The following PREX1 variants were observed in gnomAD, a reference collection of about 807,000 sequenced individuals.
PREX1 encodes phosphatidylinositol-3,4,5-trisphosphate dependent Rac exchange factor 1.
A neutral mutation model predicts 198.3 loss-of-function variants in PREX1; 41 were observed. The observed-to-expected ratio is 0.21, with a 90% CI of 0.16 to 0.27. PREX1 has a LOEUF of 0.27. PREX1 is among the 10% of genes least tolerant of loss of function. The probability of loss-of-function intolerance (pLI) is 1.00; values close to 1 mark genes in which losing one functional copy is unlikely to be tolerated. For synonymous variants in PREX1, 843 were observed against 887.2 expected (o/e 0.95, Z 0.89); for missense variants, 1,620 against 2,200.7 (o/e 0.74, Z 5.28).
intron 5 of PREX1, among the ~76,000 whole-genome samples, chr20:48,718,523 G>A (rs1473743522): frequency 1.3e-5 from 2 of 151,956 alleles, no homozygotes; most frequent in East Asian, 1.9e-4. Context: ...AAAGAAGGAC[G>A]GCAGAACCAA....
chr20:48,717,739 C>T (rs1256664701), intron 5 of PREX1, among the ~76,000 whole-genome samples: 7 of 152,144 alleles, frequency 4.6e-5, no homozygotes, highest in Non-Finnish European at 7.4e-5. Context: ...GGAAATAATG[C>T]TCGTGGGTTT....
intron 1 of PREX1, among the ~76,000 whole-genome samples, chr20:48,774,180 T>C (rs1036922219): frequency 1.3e-5 from 2 of 152,168 alleles, no homozygotes; most frequent in Admixed American, 6.5e-5. Context: ...GGCAGTCTGG[T>C]GAAGGAGACA....
chr20:48,723,742 G>C (rs1186766969), intron 5 of PREX1, among the ~76,000 whole-genome samples: 1 of 152,160 alleles, frequency 6.6e-6, no homozygotes, highest in East Asian at 1.9e-4. Context: ...TGTTCTCCTG[G>C]GAATCCAGAG....
intron 31 of PREX1, 57 bp from the exon 32 acceptor site, chr20:48,636,740 C>G: frequency 6.8e-7 from 1 of 1,465,414 alleles, no homozygotes; most frequent in Non-Finnish European, 9.2e-7. Flanking sequence ...CACCAGGAGG[C>G]CCACCCCCCA....
the PREX1 span, among the ~76,000 whole-genome samples, chr20:48,861,045 A>C: frequency 2.6e-5 from 4 of 152,104 alleles, no homozygotes; most frequent in Non-Finnish European, 5.9e-5. Flanking sequence ...CCAGAAAGAG[A>C]TCTCACTTTC....
Position 48,665,150 on chromosome 20 carries a change from G to A in PREX1, c.1738+1133C>T, listed in dbSNP as rs543528598. On this transcript the variant is annotated intron_variant, in intron 15 of 39. Transcript: ENST00000371941. ...CCCAGACGGCCTGAATTCTAATCCC[G>A]GCCCCAGACGGCCTGAATTATAATC... Among the ~76,000 whole-genome samples, 529 of 145,018 alleles carry A rather than the reference G, an allele frequency of 3.6e-3. 1 individual carries two copies. Among genetic ancestry groups the A allele is most frequent in the Non-Finnish European group, 5.3e-3 (354 of 66,222 alleles).
chr20:48,688,672 T>C lies in PREX1; in HGVS notation c.1319A>G (p.Lys440Arg), dbSNP rs751993738. 6.2e-6 allele frequency: 10 copies of C among 1,614,124 alleles called. No individual in the cohort carries two copies. The Admixed American group carries it at 1.0e-4, about 16-fold the overall frequency. The stretch of plus-strand genomic sequence containing the variant: ...GGCTACTCACTTGCCAAGAAAGCAC[T>C]TGGGGACAGTGCTCAGCTTTCTCCG... Reference protein sequence around the residue: ...DRRRKLSTVPKCFLGNEFVAW... With the variant: ...DRRRKLSTVPRCFLGNEFVAW... The change falls in exon 10 of 40, where the codon AAG (lysine) becomes AGG (arginine). Residue 440 changes from lysine (K) to arginine (R), a missense_variant. Around this residue, in one of 7 missense-constraint regions of PREX1, gnomAD observed 488 missense variants for 802.5 expected, o/e 0.61. Coordinates refer to ENST00000371941, the MANE Select transcript of PREX1 (RefSeq NM_020820.4).
At chr20:48,813,785 C>T (rs2090446931) in intron 1 of PREX1, among the ~76,000 whole-genome samples, 1 of 152,138 alleles carries the variant, frequency 6.6e-6, no homozygotes, top group Non-Finnish European at 1.5e-5. Flanking sequence ...CCTAGACTGC[C>T]ATATGTGTGT....
At chr20:48,693,552 C>G (rs1394516251) in intron 7 of PREX1, among the ~76,000 whole-genome samples, 1 of 152,236 alleles carries the variant, frequency 6.6e-6, no homozygotes. Flanking sequence ...TTGGAGTCCA[C>G]AGCCTCCAGA....
rs2090087234 is a variant in PREX1, at chr20:48,742,600, A to G, written c.414+2425T>C. 3.9e-5 allele frequency among the ~76,000 whole-genome samples: 6 copies of G among 152,282 alleles called. No individual in the cohort carries two copies. In the South Asian group the frequency reaches 1.2e-3, roughly 32 times the overall value. On this transcript the variant is annotated intron_variant, in intron 3 of 39. Coordinates refer to ENST00000371941, the MANE Select transcript of PREX1 (RefSeq NM_020820.4). ...CCTAAACATCCACCCTCCACACGTC[A>G]TGACTCTGATGGTAAGTGCAGCCTT...
intron 5 of PREX1, among the ~76,000 whole-genome samples, chr20:48,712,308 G>A (rs1008158364): frequency 2.0e-4 from 30 of 152,280 alleles, no homozygotes; most frequent in East Asian, 1.9e-4. Flanking sequence ...GCGGCTACAC[G>A]GTCCAGCTCC....
chr20:48,697,304 A>C (rs1019853005), intron 7 of PREX1, among the ~76,000 whole-genome samples: 1 of 152,186 alleles, frequency 6.6e-6, no homozygotes, highest in African/African-American at 2.4e-5. Flanking sequence ...AGGTAGGAAA[A>C]GACAGGCGCA....
At chr20:48,721,857 C>T (rs545784088) in intron 5 of PREX1, among the ~76,000 whole-genome samples, 11 of 152,164 alleles carry the variant, frequency 7.2e-5, no homozygotes, top group African/African-American at 1.9e-4. Context: ...GACAGGACCT[C>T]CTCATGGCGA....
the PREX1 span, among the ~76,000 whole-genome samples, chr20:48,854,930 T>C: frequency 6.6e-6 from 1 of 152,088 alleles, no homozygotes; most frequent in African/African-American, 2.4e-5. Context: ...CCTGGGCAAA[T>C]TGATTACCTC....
intron 1 of PREX1, among the ~76,000 whole-genome samples, chr20:48,803,755 C>G (rs757148662): frequency 6.6e-6 from 1 of 152,162 alleles, no homozygotes; most frequent in African/African-American, 2.4e-5. Flanking sequence ...GTGACCCAGG[C>G]GTGGGCAATC....
intron 3 of PREX1, among the ~76,000 whole-genome samples, chr20:48,735,770 G>A (rs1377502100): frequency 6.6e-6 from 1 of 152,052 alleles, no homozygotes; most frequent in Non-Finnish European, 1.5e-5. Context: ...GCTTCCCCAG[G>A]GTCTCGCCGC....
At chr20:48,802,765 C>G (rs1367366542) in intron 1 of PREX1, among the ~76,000 whole-genome samples, 2 of 152,234 alleles carry the variant, frequency 1.3e-5, no homozygotes, top group African/African-American at 4.8e-5. Context: ...AGCATGAAGA[C>G]AGCAGAAAAC....
chr20:48,794,491 T>G (rs1204056574), intron 1 of PREX1, among the ~76,000 whole-genome samples: 1 of 152,126 alleles, frequency 6.6e-6, no homozygotes, highest in Non-Finnish European at 1.5e-5. Context: ...GAGCCTTTGC[T>G]TGGGGTCCTT....
At position 48,642,557 on chromosome 20, in the gene PREX1, C is replaced by T. The variant is rs574441046; in HGVS notation, c.3602-68G>A. On this transcript the variant is annotated intron_variant, in intron 27 of 39. Transcript: ENST00000371941. ...CACCTCACACCATCCCCAGCACTTTCCTAAGAGGGGGATACAGCTACAGAA... is the reference window on the plus strand; with the variant it reads ...CACCTCACACCATCCCCAGCACTTTTCTAAGAGGGGGATACAGCTACAGAA... 2.6e-4 allele frequency: 356 copies of T among 1,366,676 alleles called. 2 individuals are homozygous for T. The South Asian group carries it at 3.8e-3, about 15-fold the overall frequency. The allele number at this position is 1,366,676 out of a possible 1,614,324, so 84.7% of individuals were successfully genotyped here.
Sources: gnomAD v4.1 joint callset for allele counts (sites outside exome capture counted in the v4.1 genomes callset) on GRCh38, gnomAD v4.1.1 for gene constraint, gnomAD v4.1.1 regional missense constraint, MANE v1.5 for transcripts, NCBI Gene and HGNC (gene_info 2026-07-23, HGNC 2026-07-21) for gene names.